ASIC2: variants seen among roughly 807,000 people sequenced by gnomAD.
The protein encoded by ASIC2 is acid-sensing ion channel 2.
A neutral mutation model predicts 57.3 loss-of-function variants in ASIC2; 25 were observed. The ratio of observed to expected loss-of-function variants is 0.44; its 90% CI spans 0.32 to 0.61. The LOEUF (loss-of-function observed/expected upper bound fraction) is 0.61, where lower values mean the gene tolerates loss of function less well. ASIC2 is among the 20% of genes least tolerant of loss of function. The pLI is 0.06. For missense variants in ASIC2, 641 were observed against 738.1 expected (o/e 0.87, Z 1.52); for synonymous variants, 319 against 307.5 (o/e 1.04, Z -0.39).
chr17:33,776,204 C>A (rs545754345), intron 1 of ASIC2, among the ~76,000 whole-genome samples: 1 of 151,828 alleles, frequency 6.6e-6, no homozygotes, highest in South Asian at 2.1e-4. Context: ...AAATCCTAAC[C>A]CTCAAGGTTA....
intron 1 of ASIC2, among the ~76,000 whole-genome samples, chr17:33,837,266 G>C (rs889252257): frequency 6.6e-6 from 1 of 152,182 alleles, no homozygotes; most frequent in Non-Finnish European, 1.5e-5. Context: ...AGTCCCGAAG[G>C]CCTAAGGTCT....
chr17:33,934,643 G>A (rs369647747), intron 1 of ASIC2, among the ~76,000 whole-genome samples: 9 of 152,282 alleles, frequency 5.9e-5, no homozygotes, highest in African/African-American at 1.2e-4. Flanking sequence ...ATTGCCTACC[G>A]GGGAGTTCAG....
At chr17:33,282,534 G>A (rs1482720316) in intron 1 of ASIC2, among the ~76,000 whole-genome samples, 1 of 151,828 alleles carries the variant, frequency 6.6e-6, no homozygotes, top group Non-Finnish European at 1.5e-5. Flanking sequence ...GAGTGTAGTG[G>A]TACAATCTTG....
At chr17:33,105,070 G>A (rs907648757) in intron 2 of ASIC2, among the ~76,000 whole-genome samples, 1 of 152,194 alleles carries the variant, frequency 6.6e-6, no homozygotes, top group African/African-American at 2.4e-5. Flanking sequence ...ACATCTGTGA[G>A]CCAGACAGTC....
intron 1 of ASIC2, among the ~76,000 whole-genome samples, chr17:34,106,379 T>C (rs1911056499): frequency 6.6e-6 from 1 of 152,144 alleles, no homozygotes; most frequent in Admixed American, 6.5e-5. Context: ...TATCCATTGA[T>C]TATTTTTACC....
intron 1 of ASIC2, among the ~76,000 whole-genome samples, chr17:33,658,317 G>C (rs1907140251): frequency 6.6e-6 from 1 of 152,176 alleles, no homozygotes; most frequent in African/African-American, 2.4e-5. Flanking sequence ...AATTCCTTTT[G>C]GCCAATGGGG....
chr17:33,583,501 A>T (rs939884447), intron 1 of ASIC2, among the ~76,000 whole-genome samples: 2 of 152,166 alleles, frequency 1.3e-5, no homozygotes, highest in Admixed American at 6.5e-5. Flanking sequence ...GTATGCCCCA[A>T]CCATGACCTT....
At chr17:33,264,720 C>G (rs766039055) in intron 1 of ASIC2, among the ~76,000 whole-genome samples, 1 of 152,218 alleles carries the variant, frequency 6.6e-6, no homozygotes, top group African/African-American at 2.4e-5. Flanking sequence ...TAACTCAGTT[C>G]CCTTCTCTGG....
At chr17:33,640,181 T>C (rs1386431254) in intron 1 of ASIC2, among the ~76,000 whole-genome samples, 2 of 151,544 alleles carry the variant, frequency 1.3e-5, no homozygotes, top group African/African-American at 4.9e-5. Flanking sequence ...GAGGAAAGGC[T>C]GAAGTGAGGA....
chr17:34,147,470 T>C (rs913275595), intron 1 of ASIC2, among the ~76,000 whole-genome samples: 1 of 152,214 alleles, frequency 6.6e-6, no homozygotes, highest in African/African-American at 2.4e-5. Context: ...AATGGCACTT[T>C]GGGGAATGCT....
intron 1 of ASIC2, among the ~76,000 whole-genome samples, chr17:33,379,405 G>A (rs926560866): frequency 1.3e-5 from 2 of 152,206 alleles, no homozygotes; most frequent in Non-Finnish European, 2.9e-5. Flanking sequence ...TGTCAGAAAT[G>A]AGAAAGCTGT....
At chr17:33,407,832 A>G (rs1263967443) in intron 1 of ASIC2, among the ~76,000 whole-genome samples, 1 of 152,240 alleles carries the variant, frequency 6.6e-6, no homozygotes, top group Non-Finnish European at 1.5e-5. Flanking sequence ...TAGCAACCCT[A>G]TAGTCTCTAG....
At chr17:33,611,459 G>A (rs959978350) in intron 1 of ASIC2, among the ~76,000 whole-genome samples, 1 of 152,178 alleles carries the variant, frequency 6.6e-6, no homozygotes, top group Non-Finnish European at 1.5e-5. Context: ...AGTTGTTGCT[G>A]ATAACAAAAA....
At chr17:33,656,787 A>G (rs1907091462) in intron 1 of ASIC2, among the ~76,000 whole-genome samples, 1 of 152,136 alleles carries the variant, frequency 6.6e-6, no homozygotes, top group Non-Finnish European at 1.5e-5. Flanking sequence ...TTGTTTCTCT[A>G]ACAAGCTTAT....
Position 33,955,859 on chromosome 17 carries a change from C to T in ASIC2, c.555+200119G>A, listed in dbSNP as rs192578544. 5.8e-4 allele frequency among the ~76,000 whole-genome samples: 88 copies of T among 152,274 alleles called. No individual in the cohort carries two copies. The East Asian group carries it at 0.013, about 22-fold the overall frequency. ...GTAGTAGCTACTACTTCTGTAAAAC[C>T]TTAGTGTCCTCTTTTACTTTTTCAG... is the stretch of plus-strand genomic sequence containing the variant. On this transcript the variant is annotated intron_variant, in intron 1 of 9. Coordinates refer to the ASIC2 transcript ENST00000359872.
At chr17:34,146,051 G>A (rs951483309) in intron 1 of ASIC2, among the ~76,000 whole-genome samples, 2 of 152,224 alleles carry the variant, frequency 1.3e-5, no homozygotes, top group Non-Finnish European at 2.9e-5. Flanking sequence ...TCACGTAACA[G>A]CTGGGAGAAT....
rs554866024 is a variant in ASIC2, at chr17:33,056,002, C to G, written c.988-27610G>C. Among the ~76,000 whole-genome samples, 73 of 152,306 alleles carry G rather than the reference C, an allele frequency of 4.8e-4. 1 individual carries two copies. Among genetic ancestry groups the G allele is most frequent in the Admixed American group, 3.0e-3 (46 of 15,300 alleles). On this transcript the variant is annotated intron_variant, in intron 3 of 9. Coordinates refer to ENST00000225823, the MANE Select transcript of ASIC2 (RefSeq NM_183377.2). ...TTGTTTCTGGCATGGACTCCAAGTA[C>G]TAGTATTTTTCGAAAACTCCCTAGA...
At chr17:33,553,142 G>C (rs1025524959) in intron 1 of ASIC2, among the ~76,000 whole-genome samples, 28 of 152,144 alleles carry the variant, frequency 1.8e-4, no homozygotes, top group Admixed American at 7.2e-4. Context: ...GTCCTTTAAG[G>C]AAACACCAAA....
At chr17:33,874,213 A>G (rs1470753368) in intron 1 of ASIC2, among the ~76,000 whole-genome samples, 1 of 152,210 alleles carries the variant, frequency 6.6e-6, no homozygotes, top group African/African-American at 2.4e-5. Flanking sequence ...CTTGGCTCCA[A>G]GAACTCCTTA....
Sources: allele counts gnomAD v4.1 joint callset (sites outside exome capture counted in the v4.1 genomes callset), GRCh38; gene constraint gnomAD v4.1.1; transcripts MANE v1.5; gene names NCBI Gene and HGNC (gene_info 2026-07-23, HGNC 2026-07-21).